TBXA2R: variants seen among roughly 807,000 people sequenced by gnomAD.
The protein encoded by TBXA2R is prostanoid TP receptor.
TBXA2R carries 15 observed loss-of-function variants against 15.6 expected under a neutral mutation model. The ratio of observed to expected loss-of-function variants is 0.96; its 90% CI spans 0.64 to 1.48. TBXA2R has a LOEUF of 1.48. Ranked by LOEUF, TBXA2R falls within the 40% of genes most tolerant of loss-of-function variation. The pLI is 0.00. For synonymous variants in TBXA2R, 280 were observed against 241.2 expected (o/e 1.16, Z -1.49); for missense variants, 506 against 491.4 (o/e 1.03, Z -0.28).
intron 1 of TBXA2R, among the ~76,000 whole-genome samples, chr19:3,601,276 C>T (rs986468314): frequency 6.6e-6 from 1 of 151,854 alleles, no homozygotes; most frequent in Non-Finnish European, 1.5e-5. Context: ...CGCCTCTTAT[C>T]CCAGCACTTT....
At chr19:3,598,884 G>T (rs2032654986) in intron 2 of TBXA2R, among the ~76,000 whole-genome samples, 1 of 151,962 alleles carries the variant, frequency 6.6e-6, no homozygotes, top group African/African-American at 2.4e-5. Flanking sequence ...TGGCCAGCAT[G>T]GTCTCCATCT....
chr19:3,604,368 G>C (rs374754392), intron 1 of TBXA2R, among the ~76,000 whole-genome samples: 13 of 152,294 alleles, frequency 8.5e-5, no homozygotes, highest in African/African-American at 3.1e-4. Flanking sequence ...CGGGCGCTGG[G>C]CTGGGCGTGG....
rs765959346 is a variant in TBXA2R at position 3,600,507 on chromosome 19, A to C, written c.128T>G (p.Leu43Arg). 1 of 1,612,686 alleles carries C rather than the reference A, an allele frequency of 6.2e-7. No homozygotes were observed. Among genetic ancestry groups the C allele is most frequent in the Admixed American group, 1.7e-5 (1 of 59,968 alleles). Residue 43 changes from leucine (L) to arginine (R), a missense_variant, in exon 2 of 3, where the codon CTG becomes CGG. Transcript: ENST00000375190. Reference protein sequence around the residue: ...SFCVVGLASNLLALSVLAGAR... With the variant: ...SFCVVGLASNRLALSVLAGAR... Reference sequence around the variant, plus strand: ...GCCCGCCAGCACGCTCAGGGCCAGCAGGTTGGAGGCCAGGCCCACCACGCA... The same window carrying C: ...GCCCGCCAGCACGCTCAGGGCCAGCCGGTTGGAGGCCAGGCCCACCACGCA...
chr19:3,604,441 G>C (rs1390343670), intron 1 of TBXA2R, among the ~76,000 whole-genome samples: 1 of 152,004 alleles, frequency 6.6e-6, no homozygotes, highest in Non-Finnish European at 1.5e-5. Context: ...TTCCCAAACA[G>C]CAGGCCTCTC....
Position 3,600,404 on chromosome 19 carries a change from C to T in TBXA2R, c.231G>A (p.Gly77=). ...LCGLVLTDFL[G]LLVTGTIVVS... ...CCACGATGGTACCGGTCACCAGCAGCCCCAGGAAGTCGGTGAGGACGAGGC... is the reference window on the plus strand; with the variant it reads ...CCACGATGGTACCGGTCACCAGCAGTCCCAGGAAGTCGGTGAGGACGAGGC... The change falls in exon 2 of 3, where the codon GGG becomes GGA. Residue 77 remains glycine (G), a synonymous_variant. Coordinates refer to ENST00000375190, the MANE Select transcript of TBXA2R (RefSeq NM_001060.6). The T allele has an allele frequency of 6.2e-7, 1 of 1,613,358 alleles. No homozygotes were observed. The highest frequency in any genetic ancestry group is 8.5e-7 in the Non-Finnish European group (1 of 1,179,738).
Position 3,599,925 on chromosome 19 carries a change from C to T in TBXA2R, c.710G>A (p.Arg237Gln), listed in dbSNP as rs202065690. The change falls in exon 2 of 3, where the codon CGG (arginine) becomes CAG (glutamine). Residue 237 changes from arginine (R) to glutamine (Q), a missense_variant. Transcript: ENST00000375190. ...AGCCATCATCTCCACCTCGGAGTCC[C>T]GGGGACGCTGCTGGGCCGCCTCCTG... ...HGQEAAQQRP[R>Q]DSEVEMMAQL... 8.4e-6 allele frequency: 13 copies of T among 1,551,076 alleles called. 1 individual carries two copies. In the South Asian group the frequency reaches 1.2e-4, roughly 14 times the overall value.
In TBXA2R at chr19:3,600,219, G is replaced by T; in HGVS notation, c.416C>A (p.Ser139Ter). 1 of 1,608,264 alleles carries T rather than the reference G, an allele frequency of 6.2e-7. No individual in the cohort carries two copies. Among genetic ancestry groups the T allele is most frequent in the East Asian group, 2.2e-5 (1 of 44,684 alleles). Residue 139 changes from serine to a stop codon, truncating the protein, a stop_gained, in exon 2 of 3, where the codon TCG (serine) becomes TAG (stop). Coordinates refer to ENST00000375190, the MANE Select transcript of TBXA2R (RefSeq NM_001060.6). LOFTEE classifies it high-confidence loss of function. ...ERYLGITRPF[S>*]RPAVASQRRA... Reference sequence around the variant, plus strand: ...GCGCTGCGAGGCGACCGCCGGGCGCGAGAAGGGCCGGGTGATACCCAGGTA... The same window carrying T: ...GCGCTGCGAGGCGACCGCCGGGCGCTAGAAGGGCCGGGTGATACCCAGGTA...
At position 3,596,007 on chromosome 19, in the gene TBXA2R, T is replaced by C. The variant is rs55753816; in HGVS notation, c.787-74A>G. On this transcript the variant is annotated intron_variant, in intron 2 of 2. Coordinates refer to ENST00000375190, the MANE Select transcript of TBXA2R (RefSeq NM_001060.6). ...CGCCCCGGTCCCTGCCCGGGGTCCCTTGAGATCCAGGGTCCACTCCGTTTT... is the reference window on the plus strand; with the variant it reads ...CGCCCCGGTCCCTGCCCGGGGTCCCCTGAGATCCAGGGTCCACTCCGTTTT... The C allele has an allele frequency of 0.12, 187,109 of 1,529,700 alleles. 13,221 individuals carry two copies. Among genetic ancestry groups the C allele is most frequent in the African/African-American group, 0.31 (22,627 of 72,922 alleles). The allele number at this position is 1,529,700 out of a possible 1,614,324, so 94.8% of individuals were successfully genotyped here. A position where few individuals can be genotyped will look rare whatever the true frequency, so the allele number is the denominator to read the frequency against.
chr19:3,600,675 C>A lies in TBXA2R; in HGVS notation c.-41G>T. ...AGGGATCAGTCACCACCCCATCAGG[C>A]CGATGCTGCAGACAGGGCAGGCTGG... is the stretch of plus-strand genomic sequence containing the variant. On this transcript the variant is annotated 5_prime_UTR_variant, in exon 2 of 3. Coordinates refer to ENST00000375190, the MANE Select transcript of TBXA2R (RefSeq NM_001060.6). The A allele has an allele frequency of 6.2e-7, 1 of 1,602,680 alleles. No individual in the cohort carries two copies. The highest frequency in any genetic ancestry group is 8.5e-7 in the Non-Finnish European group (1 of 1,174,480).
chr19:3,595,772 G>C lies in TBXA2R; in HGVS notation c.948C>G (p.Leu316=), dbSNP rs1463170729. Residue 316 remains leucine (L), a synonymous_variant, in exon 3 of 3, where the codon CTC becomes CTG. Coordinates refer to ENST00000375190, the MANE Select transcript of TBXA2R (RefSeq NM_001060.6). The part of the protein sequence containing the change: ...WVYILFRRAV[L]RRLQPRLSTR... The stretch of plus-strand genomic sequence containing the variant: ...TGCTGAGGCGAGGCTGGAGACGCCG[G>C]AGCACGGCGCGGCGGAACAGGATAT... The C allele has an allele frequency of 6.2e-7, 1 of 1,609,552 alleles. No individual in the cohort carries two copies. Among genetic ancestry groups the C allele is most frequent in the African/African-American group, 1.3e-5 (1 of 74,912 alleles).
chr19:3,604,893 T>C (rs2032801375), intron 1 of TBXA2R, among the ~76,000 whole-genome samples: 1 of 152,014 alleles, frequency 6.6e-6, no homozygotes, highest in Non-Finnish European at 1.5e-5. Flanking sequence ...GGACTGAAAC[T>C]TCAGGGACCG....
intron 2 of TBXA2R, among the ~76,000 whole-genome samples, chr19:3,597,146 T>G (rs2032619677): frequency 6.6e-6 from 1 of 151,542 alleles, no homozygotes; most frequent in Admixed American, 6.6e-5. Flanking sequence ...TTCTCCATGT[T>G]GGTCAGGCTA....
chr19:3,602,537 G>C (rs530916337), intron 1 of TBXA2R, among the ~76,000 whole-genome samples: 2 of 152,224 alleles, frequency 1.3e-5, no homozygotes, highest in East Asian at 3.9e-4. Context: ...AGGAGTTTGA[G>C]ACCAGCCGGA....
At position 3,595,924 on chromosome 19, in the gene TBXA2R, C is replaced by T. The variant is rs1025720541; in HGVS notation, c.796G>A (p.Ala266Thr). The T allele has an allele frequency of 9.4e-6, 15 of 1,593,218 alleles. No individual in the cohort carries two copies. The highest frequency in any genetic ancestry group is 6.7e-5 in the African/African-American group (5 of 74,628). Residue 266 changes from alanine to threonine, a missense_variant, in exon 3 of 3, where the codon GCC (alanine) becomes ACC (threonine). Physicochemically the swap from Ala to Thr is moderately conservative, Grantham distance 58. Coordinates refer to ENST00000375190, the MANE Select transcript of TBXA2R (RefSeq NM_001060.6). ...VCWLPLLVFIAQTVLRNPPAM... is the reference protein window; with the variant it reads ...VCWLPLLVFITQTVLRNPPAM... ...GGCGGGTTTCGCAGCACTGTCTGGG[C>T]GATGAAGACCTGCAAAGGGGAGAGC...
In TBXA2R at chr19:3,595,727, G is replaced by C. The variant is rs2032587336; in HGVS notation, c.993C>G (p.Ser331=). The change falls in exon 3 of 3, where the codon TCC becomes TCG. Residue 331 remains serine, a synonymous_variant. Coordinates refer to ENST00000375190, the MANE Select transcript of TBXA2R (RefSeq NM_001060.6). ...PRLSTRPRSL[S]LQPQLTQRSG... Reference sequence around the variant, plus strand: ...AGCGCTGCGTGAGCTGGGGCTGGAGGGACAGCGACCTGGGCCGGGTGCTGA... The same window carrying C: ...AGCGCTGCGTGAGCTGGGGCTGGAGCGACAGCGACCTGGGCCGGGTGCTGA... 1.9e-6 allele frequency: 3 copies of C among 1,600,736 alleles called. No homozygotes were observed. The highest frequency in any genetic ancestry group is 1.7e-6 in the Non-Finnish European group (2 of 1,174,558).
At chr19:3,605,166 C>T (rs895949819) in intron 1 of TBXA2R, among the ~76,000 whole-genome samples, 1 of 152,242 alleles carries the variant, frequency 6.6e-6, no homozygotes, top group African/African-American at 2.4e-5. Flanking sequence ...CCTCGCTTTC[C>T]CCATCTCTCT....
rs5745 is a variant in TBXA2R at position 3,600,392 on chromosome 19, G to C, written c.243C>G (p.Thr81=). 5 of 1,613,292 alleles carry C rather than the reference G, an allele frequency of 3.1e-6. No homozygotes were observed. In the South Asian group the frequency reaches 3.3e-5, roughly 11 times the overall value. Residue 81 remains threonine, a synonymous_variant, in exon 2 of 3, where the codon ACC becomes ACG. Coordinates refer to ENST00000375190, the MANE Select transcript of TBXA2R (RefSeq NM_001060.6). ...CGTGCTGGGACACCACGATGGTACC[G>C]GTCACCAGCAGCCCCAGGAAGTCGG... ...VLTDFLGLLV[T]GTIVVSQHAA... is the part of the protein sequence containing the mutation.
chr19:3,596,151 T>C (rs1227948086), intron 2 of TBXA2R, among the ~76,000 whole-genome samples: 1 of 152,068 alleles, frequency 6.6e-6, no homozygotes. Flanking sequence ...CCCTCAGCCT[T>C]CCAAGTAGCT....
intron 1 of TBXA2R, among the ~76,000 whole-genome samples, chr19:3,605,680 C>CA (rs1187729035): frequency 2.0e-5 from 3 of 150,850 alleles, no homozygotes; most frequent in African/African-American, 7.3e-5. Flanking sequence ...CAGACAGAAA[C>CA]ACAGTAGACA....
Sources: allele counts gnomAD v4.1 joint callset (sites outside exome capture counted in the v4.1 genomes callset), GRCh38; gene constraint gnomAD v4.1.1; transcripts MANE v1.5; gene names NCBI Gene and HGNC (gene_info 2026-07-23, HGNC 2026-07-21).